PPARGC1B: variants seen among roughly 807,000 people sequenced by gnomAD.
PPARGC1B encodes peroxisome proliferator-activated receptor gamma coactivator 1-beta.
Under a neutral mutation model 101.6 loss-of-function variants are expected in PPARGC1B, and 34 were observed. That is an observed-to-expected ratio of 0.33 (90% CI 0.25 to 0.45). The LOEUF (loss-of-function observed/expected upper bound fraction) is 0.45. Among genes scored for constraint, PPARGC1B ranks in the 20% least tolerant of loss-of-function variants. The pLI is 1.00. For synonymous variants in PPARGC1B, 548 were observed against 539.3 expected (o/e 1.02, Z -0.22); for missense variants, 1,234 against 1,317.6 (o/e 0.94, Z 0.98).
chr5:149,782,398 T>C (rs552201841), intron 1 of PPARGC1B, among the ~76,000 whole-genome samples: 1 of 152,330 alleles, frequency 6.6e-6, no homozygotes, highest in Admixed American at 6.5e-5. Flanking sequence ...ATGAATGCCT[T>C]GTTGGTGGCA....
chr5:149,836,084 T>C (rs1759060846), intron 7 of PPARGC1B, among the ~76,000 whole-genome samples, 179 bp from the exon 8 acceptor site: 1 of 151,912 alleles, frequency 6.6e-6, no homozygotes, highest in African/African-American at 2.4e-5. Flanking sequence ...AGACATGATT[T>C]CACCGTGTTG....
intron 3 of PPARGC1B, among the ~76,000 whole-genome samples, chr5:149,829,980 A>G (rs1406127977): frequency 7.3e-6 from 1 of 136,928 alleles, no homozygotes; most frequent in African/African-American, 2.7e-5. Flanking sequence ...GGTTGCAGTG[A>G]GCCGAGATCC....
At chr5:149,743,235 A>G (rs1282851074) in intron 1 of PPARGC1B, among the ~76,000 whole-genome samples, 2 of 143,654 alleles carry the variant, frequency 1.4e-5, no homozygotes, top group Non-Finnish European at 3.0e-5. Context: ...GGCTCACTGC[A>G]ACCTCTGCCT....
chr5:149,791,368 A>G (rs1298023891), intron 1 of PPARGC1B, among the ~76,000 whole-genome samples: 1 of 151,174 alleles, frequency 6.6e-6, no homozygotes, highest in Non-Finnish European at 1.5e-5. Flanking sequence ...AAGAAACCTC[A>G]CTCCCAACTC....
intron 1 of PPARGC1B, among the ~76,000 whole-genome samples, chr5:149,731,463 C>G (rs1211180634): frequency 6.6e-6 from 1 of 152,188 alleles, no homozygotes; most frequent in African/African-American, 2.4e-5. Context: ...GCGGCGGAAC[C>G]TCGGAGGAGC....
chr5:149,826,279 G>T (rs967000477), intron 2 of PPARGC1B, among the ~76,000 whole-genome samples: 1 of 152,164 alleles, frequency 6.6e-6, no homozygotes, highest in Non-Finnish European at 1.5e-5. Context: ...GGGTCTGAGG[G>T]GCTGTAACGG....
chr5:149,743,155 CTT>C (rs1181226228), intron 1 of PPARGC1B, among the ~76,000 whole-genome samples: 21 of 134,312 alleles, frequency 1.6e-4, no homozygotes, highest in Non-Finnish European at 9.8e-5. Context: ...TGTGTTTATT[CTT>C]TTTTTTTTTT....
At position 149,846,963 on chromosome 5, in the gene PPARGC1B, T is replaced by C. The variant is rs1305606779; in HGVS notation, c.2972-495T>C. 6 of 209,440 alleles carry C rather than the reference T, an allele frequency of 2.9e-5. No homozygotes were observed. In the East Asian group the frequency reaches 6.7e-4, roughly 23 times the overall value. 13.0% of individuals were successfully genotyped at this position (209,440 alleles called of 1,614,324 possible). A position where few individuals can be genotyped will look rare whatever the true frequency, so the allele number is the denominator to read the frequency against. ...AGCTGGGCGTGGTGGCGCACACCTG[T>C]AGTCCCAGCAACTTGGGAGGCTGAG... On this transcript the variant is annotated intron_variant, in intron 11 of 11. Transcript: ENST00000309241.
intron 1 of PPARGC1B, among the ~76,000 whole-genome samples, chr5:149,731,965 C>A (rs1185716768): frequency 2.6e-5 from 4 of 152,048 alleles, no homozygotes; most frequent in African/African-American, 4.8e-5. Flanking sequence ...GGGTTCGCGG[C>A]AGAGGCCGGA....
chr5:149,758,667 G>A (rs1363224064), intron 1 of PPARGC1B, among the ~76,000 whole-genome samples: 2 of 152,170 alleles, frequency 1.3e-5, no homozygotes, highest in Non-Finnish European at 2.9e-5. Flanking sequence ...ATCACCACGG[G>A]GATTCCAAGA....
intron 1 of PPARGC1B, chr5:149,740,261 G>C (rs1456764217): frequency 6.6e-6 from 1 of 152,228 alleles, no homozygotes; most frequent in African/African-American, 2.4e-5. Flanking sequence ...TTCTATCTAG[G>C]AAATGGGGAC....
chr5:149,760,760 G>A (rs1397047033), intron 1 of PPARGC1B, among the ~76,000 whole-genome samples: 1 of 152,228 alleles, frequency 6.6e-6, no homozygotes. Context: ...CTTGAGAGAG[G>A]AGGAGAGGAG....
At chr5:149,797,163 C>T (rs1417812116) in intron 1 of PPARGC1B, among the ~76,000 whole-genome samples, 1 of 152,178 alleles carries the variant, frequency 6.6e-6, no homozygotes, top group Non-Finnish European at 1.5e-5. Flanking sequence ...GTGGAGCTTC[C>T]AGCCCTGGTG....
At chr5:149,816,141 A>G (rs1354749485) in intron 1 of PPARGC1B, among the ~76,000 whole-genome samples, 1 of 152,254 alleles carries the variant, frequency 6.6e-6, no homozygotes, top group Non-Finnish European at 1.5e-5. Flanking sequence ...GGAGATGGCC[A>G]GAGAAATCAC....
chr5:149,732,460 A>C (rs1301905634), intron 1 of PPARGC1B, among the ~76,000 whole-genome samples: 1 of 152,236 alleles, frequency 6.6e-6, no homozygotes, highest in Non-Finnish European at 1.5e-5. Context: ...GCAATAATTA[A>C]TTATTTTGCC....
chr5:149,772,036 T>G (rs1429483664), intron 1 of PPARGC1B: 1 of 1,501,496 alleles, frequency 6.7e-7, no homozygotes, highest in African/African-American at 1.4e-5. Flanking sequence ...GGTTTCCAAC[T>G]TAGACGTGCC....
Position 149,742,048 on chromosome 5 carries a change from A to T in PPARGC1B, c.78+11628A>T, listed in dbSNP as rs1166725221. On this transcript the variant is annotated intron_variant, in intron 1 of 11. Coordinates refer to ENST00000309241, the MANE Select transcript of PPARGC1B (RefSeq NM_133263.4). ...TGATGATGGTGGTGGTGGTGATAAC[A>T]GTCAACAACTGCTATATCCCCTTCA... Among the ~76,000 whole-genome samples, 4 of 152,314 alleles carry T rather than the reference A, an allele frequency of 2.6e-5. No homozygotes were observed. In the East Asian group the frequency reaches 7.7e-4, roughly 29 times the overall value.
chr5:149,826,744 G>C lies in PPARGC1B; in HGVS notation c.324G>C (p.Val108=). 1 of 1,614,004 alleles carries C rather than the reference G, an allele frequency of 6.2e-7. No homozygotes were observed. Among genetic ancestry groups the C allele is most frequent in the Non-Finnish European group, 8.5e-7 (1 of 1,179,962 alleles). The change falls in exon 3 of 12, where the codon GTG becomes GTC. Residue 108 remains valine (V), a synonymous_variant. Coordinates refer to ENST00000309241, the MANE Select transcript of PPARGC1B (RefSeq NM_133263.4). ...KTLDDIPEDD[V]GLAAFPALDG... ...TGGATGACATCCCTGAAGATGACGT[G>C]GGTCTGGCTGCCTTCCCAGCCCTGG...
At chr5:149,796,414 G>A (rs929328320) in intron 1 of PPARGC1B, among the ~76,000 whole-genome samples, 1 of 152,202 alleles carries the variant, frequency 6.6e-6, no homozygotes, top group Non-Finnish European at 1.5e-5. Flanking sequence ...GTAGGCAAGG[G>A]CCTTATAAGC....
Sources: gnomAD v4.1 joint callset for allele counts (sites outside exome capture counted in the v4.1 genomes callset) on GRCh38, gnomAD v4.1.1 for gene constraint, MANE v1.5 for transcripts, NCBI Gene and HGNC (gene_info 2026-07-23, HGNC 2026-07-21) for gene names.